The following ULK4 variants were observed in gnomAD, a reference collection of about 807,000 sequenced individuals.
The protein encoded by ULK4 is unc-51 like kinase 4.
ULK4 carries 133 observed loss-of-function variants against 160.6 expected under a neutral mutation model. The ratio of observed to expected loss-of-function variants is 0.83; its 90% CI spans 0.72 to 0.96. The LOEUF (loss-of-function observed/expected upper bound fraction) is 0.96, where lower values mean the gene tolerates loss of function less well. Ranked by LOEUF, ULK4 falls within the 40% of genes least tolerant of loss-of-function variation. The pLI, the probability that ULK4 is intolerant of heterozygous loss-of-function variation, is 0.00. For missense variants in ULK4, 1,580 were observed against 1,499.5 expected, an observed-to-expected ratio of 1.05 and a Z score of -0.89; for synonymous variants, 534 against 539.8, an observed-to-expected ratio of 0.99 and a Z score of 0.15.
intron 31 of ULK4, among the ~76,000 whole-genome samples, chr3:41,574,203 C>T (rs1187547389): frequency 6.6e-6 from 1 of 152,152 alleles, no homozygotes; most frequent in African/African-American, 2.4e-5. Flanking sequence ...AACAAACAAA[C>T]AAAAACTCAA....
chr3:41,780,806 A>G (rs1017419760), intron 21 of ULK4, among the ~76,000 whole-genome samples: 3 of 152,174 alleles, frequency 2.0e-5, no homozygotes, highest in Non-Finnish European at 4.4e-5. Context: ...CAATTTACCA[A>G]TCAGGGGCCA....
chr3:41,770,683 T>G (rs1439544186), intron 21 of ULK4, among the ~76,000 whole-genome samples: 1 of 151,978 alleles, frequency 6.6e-6, no homozygotes, highest in African/African-American at 2.4e-5. Flanking sequence ...GCTAATTTTT[T>G]TGTATTTTTA....
intron 34 of ULK4, among the ~76,000 whole-genome samples, chr3:41,404,641 A>G (rs2082257578): frequency 6.6e-6 from 1 of 152,322 alleles, no homozygotes; most frequent in South Asian, 2.1e-4. Flanking sequence ...TTCTACCCTC[A>G]TAAATGGATT....
At chr3:41,401,647 G>T (rs1293230084) in intron 34 of ULK4, among the ~76,000 whole-genome samples, 5 of 152,176 alleles carry the variant, frequency 3.3e-5, no homozygotes, top group Admixed American at 3.3e-4. Flanking sequence ...GCAGTCTTCT[G>T]CGTAGGTTCC....
At chr3:41,761,622 T>A (rs2038988334) in intron 21 of ULK4, among the ~76,000 whole-genome samples, 1 of 151,846 alleles carries the variant, frequency 6.6e-6, no homozygotes, top group Non-Finnish European at 1.5e-5. Context: ...ATAAATAGAT[T>A]AGATATTATG....
chr3:41,824,234 A>G (rs1346141053), intron 18 of ULK4, among the ~76,000 whole-genome samples: 1 of 151,336 alleles, frequency 6.6e-6, no homozygotes, highest in Non-Finnish European at 1.5e-5. Flanking sequence ...AGCTCCCAGC[A>G]TGAGCGATGC....
intron 32 of ULK4, among the ~76,000 whole-genome samples, chr3:41,516,247 CTT>C (rs1157568434): frequency 9.9e-5 from 15 of 152,096 alleles, no homozygotes; most frequent in African/African-American, 1.7e-4. Flanking sequence ...TTTTTAAACT[CTT>C]TGTGTAACTG....
chr3:41,829,575 C>T (rs1392936790), intron 18 of ULK4, among the ~76,000 whole-genome samples: 3 of 152,022 alleles, frequency 2.0e-5, no homozygotes, highest in Non-Finnish European at 4.4e-5. Context: ...CAGAGAAATG[C>T]AAATGAAAAC....
chr3:41,655,278 C>G (rs943498285), intron 30 of ULK4, among the ~76,000 whole-genome samples: 2 of 145,302 alleles, frequency 1.4e-5, no homozygotes, highest in African/African-American at 5.1e-5. Flanking sequence ...ATCGCAAGGA[C>G]AAAAAACCAA....
At chr3:41,688,440 G>C (rs949231345) in intron 27 of ULK4, among the ~76,000 whole-genome samples, 4 of 152,228 alleles carry the variant, frequency 2.6e-5, no homozygotes, top group East Asian at 3.9e-4. Context: ...TACTTACTAA[G>C]AATATATGAG....
intron 30 of ULK4, among the ~76,000 whole-genome samples, chr3:41,647,672 G>C (rs1017480548): frequency 2.6e-5 from 4 of 152,344 alleles, no homozygotes; most frequent in South Asian, 2.1e-4. Flanking sequence ...GAGGCAGTCT[G>C]CCCGTTCTCA....
intron 33 of ULK4, among the ~76,000 whole-genome samples, chr3:41,457,357 AGTCATACG>A (rs2083578056): frequency 6.6e-6 from 1 of 152,154 alleles, no homozygotes; most frequent in Admixed American, 6.5e-5. Flanking sequence ...AGATCTGCAT[AGTCATACG>A]TCATAGTCGC....
At chr3:41,392,449 T>C (rs2081977195) in intron 35 of ULK4, among the ~76,000 whole-genome samples, 1 of 152,124 alleles carries the variant, frequency 6.6e-6, no homozygotes, top group Admixed American at 6.6e-5. Context: ...ATGTCAAGAA[T>C]CCAGGGCCCT....
At chr3:41,739,101 T>C (rs560317603) in intron 22 of ULK4, among the ~76,000 whole-genome samples, 86 of 152,098 alleles carry the variant, frequency 5.7e-4, no homozygotes, top group Non-Finnish European at 1.1e-3. Context: ...AATGATCACA[T>C]GATATGAGTT....
intron 35 of ULK4, among the ~76,000 whole-genome samples, chr3:41,379,463 T>A (rs2081597962): frequency 6.6e-6 from 1 of 152,142 alleles, no homozygotes; most frequent in Admixed American, 6.6e-5. Context: ...TTCAAAACAT[T>A]TCCTTGAACA....
At chr3:41,421,859 G>A (rs1461587116) in intron 34 of ULK4, among the ~76,000 whole-genome samples, 1 of 152,086 alleles carries the variant, frequency 6.6e-6, no homozygotes, top group East Asian at 1.9e-4. Flanking sequence ...AATTTTGAAT[G>A]CACACGTAAA....
rs76274154 is a variant in ULK4 at position 41,651,752 on chromosome 3, G to C, written c.3071+11855C>G. On this transcript the variant is annotated intron_variant, in intron 30 of 36. Coordinates refer to ENST00000301831, the MANE Select transcript of ULK4 (RefSeq NM_017886.4). ...TAGGTAGCATTCCATTAACAATGAT[G>C]ATCTCTAGATTTCTATTTAAATACA... 8.7e-3 allele frequency among the ~76,000 whole-genome samples: 1,326 copies of C among 152,260 alleles called. 18 individuals are homozygous for C. Among genetic ancestry groups the C allele is most frequent in the African/African-American group, 0.03 (1,249 of 41,544 alleles).
At chr3:41,374,472 G>C (rs1474764320) in intron 35 of ULK4, among the ~76,000 whole-genome samples, 1 of 152,098 alleles carries the variant, frequency 6.6e-6, no homozygotes, top group Non-Finnish European at 1.5e-5. Context: ...GGGATGCAAG[G>C]CTGGTTCAAC....
At chr3:41,268,557 G>A (rs2079083860) in intron 35 of ULK4, among the ~76,000 whole-genome samples, 2 of 152,142 alleles carry the variant, frequency 1.3e-5, no homozygotes, top group African/African-American at 4.8e-5. Flanking sequence ...TGTAATCCCA[G>A]CACTTTGGGA....
Sources: allele counts gnomAD v4.1 joint callset (sites outside exome capture counted in the v4.1 genomes callset), GRCh38; gene constraint gnomAD v4.1.1; transcripts MANE v1.5; gene names NCBI Gene and HGNC (gene_info 2026-07-23, HGNC 2026-07-21).